The following ROBO1 variants were observed in gnomAD, a reference collection of about 807,000 sequenced individuals.
ROBO1 encodes roundabout homolog 1.
A neutral mutation model predicts 195.9 loss-of-function variants in ROBO1; 149 were observed. That is an observed-to-expected ratio of 0.76 (90% CI 0.67 to 0.87). The LOEUF is 0.87. ROBO1 is among the 40% of genes least tolerant of loss of function. The pLI, the probability that ROBO1 is intolerant of heterozygous loss-of-function variation, is 0.00. For missense variants in ROBO1, 1,933 were observed against 2,068.3 expected (o/e 0.93, Z 1.27); for synonymous variants, 816 against 733.2 (o/e 1.11, Z -1.82).
At chr3:79,083,868 T>C (rs1325676590) in intron 3 of ROBO1, among the ~76,000 whole-genome samples, 1 of 152,156 alleles carries the variant, frequency 6.6e-6, no homozygotes, top group East Asian at 1.9e-4. Context: ...TGAAGGGAAT[T>C]TCAATTATGG....
chr3:79,190,267 C>G (rs1012490366), intron 2 of ROBO1, among the ~76,000 whole-genome samples: 1 of 151,586 alleles, frequency 6.6e-6, no homozygotes, highest in Non-Finnish European at 1.5e-5. Flanking sequence ...GGAATGTTGT[C>G]TAGGAGAACT....
At chr3:78,959,697 T>G (rs1277388519) in intron 3 of ROBO1, among the ~76,000 whole-genome samples, 1 of 152,200 alleles carries the variant, frequency 6.6e-6, no homozygotes, top group Non-Finnish European at 1.5e-5. Context: ...CTAAAAGTTT[T>G]GTAAATTCAC....
chr3:79,098,286 G>T (rs759528571), intron 3 of ROBO1, among the ~76,000 whole-genome samples: 14 of 151,738 alleles, frequency 9.2e-5, no homozygotes, highest in Non-Finnish European at 1.6e-4. Context: ...GGCTTTACTA[G>T]AGACAGTAAT....
chr3:78,935,339 G>T (rs1297892584), intron 4 of ROBO1, among the ~76,000 whole-genome samples: 1 of 152,012 alleles, frequency 6.6e-6, no homozygotes, highest in African/African-American at 2.4e-5. Flanking sequence ...ATAGCCATAT[G>T]CTGACTGTAT....
In ROBO1 at chr3:78,597,867, A is replaced by G. The variant is rs1702924529; in HGVS notation, c.*1046T>C. ...ACAAAACAGGTTAAAAACGCTTCTC[A>G]ACATTTTTTTTTTCAATAAGACAAA... On this transcript the variant is annotated 3_prime_UTR_variant, in exon 31 of 31. Transcript: ENST00000464233. 1 of 149,602 alleles carries G rather than the reference A, an allele frequency of 6.7e-6. No individual in the cohort carries two copies. Among genetic ancestry groups the G allele is most frequent in the Admixed American group, 6.6e-5 (1 of 15,068 alleles). 9.3% of individuals were successfully genotyped at this position (149,602 alleles called of 1,614,324 possible).
intron 4 of ROBO1, among the ~76,000 whole-genome samples, chr3:78,906,632 A>G (rs578200883): frequency 2.2e-4 from 33 of 152,270 alleles, no homozygotes; most frequent in African/African-American, 7.9e-4. Flanking sequence ...CTGATACTTT[A>G]AAAGCAGTTG....
intron 2 of ROBO1, among the ~76,000 whole-genome samples, chr3:79,371,910 C>T (rs2036209500): frequency 6.6e-6 from 1 of 152,180 alleles, no homozygotes; most frequent in Non-Finnish European, 1.5e-5. Flanking sequence ...AATTTTTCCA[C>T]CAACTTGTGG....
At chr3:79,098,120 A>T (rs748470918) in intron 3 of ROBO1, among the ~76,000 whole-genome samples, 4 of 151,842 alleles carry the variant, frequency 2.6e-5, no homozygotes, top group Non-Finnish European at 4.4e-5. Context: ...TCATTCTCGT[A>T]TTCTTTTGTG....
intron 2 of ROBO1, among the ~76,000 whole-genome samples, chr3:79,434,828 GAT>G (rs1262177990): frequency 3.3e-5 from 5 of 152,114 alleles, no homozygotes; most frequent in Non-Finnish European, 1.5e-5. Context: ...GTCCATCAAT[GAT>G]AGACTGGATT....
At chr3:78,668,683 A>C in intron 11 of ROBO1, 118 bp from the exon 12 acceptor site, 1 of 755,900 alleles carries the variant, frequency 1.3e-6, no homozygotes, top group Non-Finnish European at 2.1e-6. Flanking sequence ...AAATTCACTA[A>C]CCAGAAACTT....
At chr3:79,350,712 T>C (rs1321351736) in intron 2 of ROBO1, among the ~76,000 whole-genome samples, 1 of 152,178 alleles carries the variant, frequency 6.6e-6, no homozygotes, top group Non-Finnish European at 1.5e-5. Context: ...ATGATTTCAT[T>C]TCTACGAAGG....
chr3:79,744,792 G>T (rs1703798565), intron 1 of ROBO1, among the ~76,000 whole-genome samples: 1 of 151,862 alleles, frequency 6.6e-6, no homozygotes, highest in Admixed American at 6.6e-5. Flanking sequence ...TACTAACAAA[G>T]AGCCCCTTAT....
At chr3:79,297,905 T>C (rs1366544190) in intron 2 of ROBO1, among the ~76,000 whole-genome samples, 1 of 152,068 alleles carries the variant, frequency 6.6e-6, no homozygotes, top group East Asian at 1.9e-4. Flanking sequence ...CATGTTGTCA[T>C]GGAATGCAAC....
At chr3:78,850,481 A>G (rs887952864) in intron 4 of ROBO1, among the ~76,000 whole-genome samples, 13 of 152,232 alleles carry the variant, frequency 8.5e-5, no homozygotes, top group Admixed American at 8.5e-4. Flanking sequence ...TAACAAAATA[A>G]TAACTTATTT....
chr3:79,560,535 TTATATATATA>T (rs549034591), intron 2 of ROBO1, among the ~76,000 whole-genome samples: 7 of 115,226 alleles, frequency 6.1e-5, no homozygotes, highest in African/African-American at 1.2e-4. Flanking sequence ...ATAATAATAA[TTATATATATA>T]TATATATATA....
intron 4 of ROBO1, among the ~76,000 whole-genome samples, chr3:78,805,146 T>G (rs2084497365): frequency 1.3e-5 from 2 of 152,180 alleles, no homozygotes; most frequent in African/African-American, 2.4e-5. Flanking sequence ...CTCTATCACT[T>G]GAAGGTCTGT....
At chr3:79,533,062 T>A (rs1941722523) in intron 2 of ROBO1, 1 of 437,164 alleles carries the variant, frequency 2.3e-6, no homozygotes, top group African/African-American at 2.0e-5. Context: ...TGGAGACGAA[T>A]TTTATTGTAT....
intron 2 of ROBO1, among the ~76,000 whole-genome samples, chr3:79,388,598 AG>A (rs554271198): frequency 2.0e-4 from 31 of 152,290 alleles, no homozygotes; most frequent in South Asian, 1.0e-3. Flanking sequence ...TTGGCCCTAT[AG>A]TGAACTCCAT....
At chr3:79,009,918 T>C (rs1355222147) in intron 3 of ROBO1, among the ~76,000 whole-genome samples, 1 of 152,216 alleles carries the variant, frequency 6.6e-6, no homozygotes, top group Non-Finnish European at 1.5e-5. Context: ...ACAGTTGAGC[T>C]ATCATAAAAA....
Sources: allele counts gnomAD v4.1 joint callset (sites outside exome capture counted in the v4.1 genomes callset), GRCh38; gene constraint gnomAD v4.1.1; transcripts MANE v1.5; gene names NCBI Gene and HGNC (gene_info 2026-07-23, HGNC 2026-07-21).